CHRM2: variants seen among roughly 807,000 people sequenced by gnomAD.
CHRM2 encodes the protein cholinergic receptor muscarinic 2.
In CHRM2, 8 loss-of-function variants were observed where a neutral mutation model predicts 25.0. The observed-to-expected ratio is 0.32, with a 90% confidence interval of 0.19 to 0.58. The LOEUF (loss-of-function observed/expected upper bound fraction) is 0.58. CHRM2 is among the 20% of genes least tolerant of loss of function. The pLI, the probability that CHRM2 is intolerant of heterozygous loss-of-function variation, is 0.88. For missense variants in CHRM2, 440 were observed against 567.1 expected (o/e 0.78, Z 2.28); for synonymous variants, 202 against 205.7 (o/e 0.98, Z 0.15).
At chr7:136,902,294 C>A (rs1797269014) in intron 2 of CHRM2, 2 of 151,770 alleles carry the variant, frequency 1.3e-5, no homozygotes, top group Non-Finnish European at 2.9e-5. Flanking sequence ...CAGTCAGTTG[C>A]TAGTTATTAA....
intron 2 of CHRM2, among the ~76,000 whole-genome samples, chr7:136,978,064 AGAGGGGGTGGAG>A (rs1198311597): frequency 6.6e-6 from 1 of 151,814 alleles, no homozygotes; most frequent in African/African-American, 2.4e-5. Context: ...GAACTACTAG[AGAGGGGGTGGAG>A]GAGGGGGAAC....
intron 2 of CHRM2, among the ~76,000 whole-genome samples, chr7:136,890,349 A>T (rs79006796): frequency 0.022 from 3,356 of 152,322 alleles, 111 homozygotes; most frequent in African/African-American, 0.076. Flanking sequence ...TACTGCTAAG[A>T]AAAACTGATG....
intron 2 of CHRM2, among the ~76,000 whole-genome samples, chr7:136,927,420 G>C (rs1180853183): frequency 6.6e-6 from 1 of 152,004 alleles, no homozygotes; most frequent in Non-Finnish European, 1.5e-5. Context: ...GTGTGTGTGT[G>C]TATGTGTGTG....
At chr7:137,014,673 T>G in intron 3 of CHRM2, 147 bp from the exon 4 acceptor site, 1 of 625,638 alleles carries the variant, frequency 1.6e-6, no homozygotes, top group Non-Finnish European at 2.8e-6. Context: ...GCTTTTTACA[T>G]GGGGAATTGA....
chr7:136,943,745 A>G (rs1238521768), intron 2 of CHRM2, among the ~76,000 whole-genome samples: 1 of 71,536 alleles, frequency 1.4e-5, no homozygotes, highest in Non-Finnish European at 3.0e-5. Flanking sequence ...CAGAAATTCA[A>G]CAGGAGAATA....
At chr7:136,969,911 C>T (rs2130925486) in intron 2 of CHRM2, among the ~76,000 whole-genome samples, 1 of 152,280 alleles carries the variant, frequency 6.6e-6, no homozygotes, top group Admixed American at 6.5e-5. Flanking sequence ...TTCTCACAGT[C>T]CGGTAGCTGG....
intron 2 of CHRM2, among the ~76,000 whole-genome samples, chr7:136,879,554 T>C (rs899111313): frequency 3.9e-5 from 6 of 151,960 alleles, no homozygotes; most frequent in African/African-American, 1.4e-4. Context: ...TTAATTGAAA[T>C]TTTACACTCT....
chr7:136,930,819 C>T (rs1799039271), intron 2 of CHRM2, among the ~76,000 whole-genome samples: 1 of 145,576 alleles, frequency 6.9e-6, no homozygotes, highest in African/African-American at 2.5e-5. Context: ...ATGGCGTGAA[C>T]CTGGGAGGCG....
chr7:136,938,226 T>C (rs1005217933), intron 2 of CHRM2: 2 of 774,282 alleles, frequency 2.6e-6, no homozygotes, highest in African/African-American at 1.7e-5. Context: ...GGTACCTTTG[T>C]TACTGAATCT....
At chr7:136,875,237 C>T (rs970096438) in intron 2 of CHRM2, among the ~76,000 whole-genome samples, 1 of 151,224 alleles carries the variant, frequency 6.6e-6, no homozygotes, top group Non-Finnish European at 1.5e-5. Context: ...TACACACACG[C>T]GTGAGAAAGA....
At chr7:136,958,190 G>T (rs774162661) in intron 2 of CHRM2, among the ~76,000 whole-genome samples, 2 of 152,136 alleles carry the variant, frequency 1.3e-5, no homozygotes, top group African/African-American at 2.4e-5. Context: ...GAATAGATAA[G>T]AAGGCAACAT....
intron 2 of CHRM2, among the ~76,000 whole-genome samples, chr7:136,990,116 A>T (rs574562337): frequency 1.3e-5 from 2 of 152,136 alleles, no homozygotes; most frequent in South Asian, 2.1e-4. Context: ...AATTACAGAG[A>T]TTTCTTATAT....
At chr7:136,980,055 T>C (rs533405465) in intron 2 of CHRM2, among the ~76,000 whole-genome samples, 19 of 152,352 alleles carry the variant, frequency 1.2e-4, no homozygotes, top group African/African-American at 4.6e-4. Flanking sequence ...ATTTTCATGA[T>C]ATTGATTCTT....
intron 2 of CHRM2, among the ~76,000 whole-genome samples, chr7:136,922,595 C>T (rs879724397): frequency 2.0e-5 from 3 of 152,202 alleles, no homozygotes; most frequent in Non-Finnish European, 2.9e-5. Flanking sequence ...CCTGTCTGAG[C>T]TCTACCACAC....
chr7:136,972,074 A>G (rs537530492), intron 2 of CHRM2, among the ~76,000 whole-genome samples: 1 of 151,526 alleles, frequency 6.6e-6, no homozygotes, highest in East Asian at 1.9e-4. Context: ...GACATTACGT[A>G]TACTGAGCCT....
chr7:136,997,829 G>T (rs1584899417), intron 3 of CHRM2, among the ~76,000 whole-genome samples: 2 of 152,112 alleles, frequency 1.3e-5, no homozygotes, highest in Non-Finnish European at 2.9e-5. Flanking sequence ...TTCTTGCAGG[G>T]CTACATAGGC....
intron 2 of CHRM2, among the ~76,000 whole-genome samples, chr7:136,920,165 T>C (rs1248834398): frequency 1.3e-5 from 2 of 152,120 alleles, no homozygotes; most frequent in Non-Finnish European, 2.9e-5. Flanking sequence ...TTGTGACTGA[T>C]TTTCAGGTTT....
At chr7:136,983,673 CCTT>C (rs1802643290) in intron 2 of CHRM2, among the ~76,000 whole-genome samples, 1 of 152,158 alleles carries the variant, frequency 6.6e-6, no homozygotes, top group Admixed American at 6.5e-5. Context: ...CGTGAGTTTT[CCTT>C]CTAACAGTCA....
chr7:136,930,824 G>A (rs2130777669), intron 2 of CHRM2, among the ~76,000 whole-genome samples: 1 of 149,436 alleles, frequency 6.7e-6, no homozygotes, highest in South Asian at 2.1e-4. Context: ...GTGAACCTGG[G>A]AGGCGGAGTT....
Sources: allele counts gnomAD v4.1 joint callset (sites outside exome capture counted in the v4.1 genomes callset), GRCh38; gene constraint gnomAD v4.1.1; transcripts MANE v1.5; gene names NCBI Gene and HGNC (gene_info 2026-07-23, HGNC 2026-07-21).